LHCGR: variants seen among roughly 807,000 people sequenced by gnomAD.
LHCGR encodes the protein luteinizing hormone/choriogonadotropin receptor, also known as lutropin-choriogonadotropic hormone receptor.
Under a neutral mutation model 60.7 loss-of-function variants are expected in LHCGR, and 55 were observed. The ratio of observed to expected loss-of-function variants is 0.91; its 90% CI spans 0.73 to 1.13. LHCGR has a LOEUF of 1.13. LHCGR is among the 50% of genes most tolerant of loss of function. The probability of loss-of-function intolerance (pLI) is 0.00; values close to 1 mark genes in which losing one functional copy is unlikely to be tolerated. For missense variants in LHCGR, 862 were observed against 836.0 expected (o/e 1.03, Z -0.38); for synonymous variants, 337 against 316.5 (o/e 1.06, Z -0.69).
At chr2:48,690,084 C>T (rs528535584) in intron 10 of LHCGR, among the ~76,000 whole-genome samples, 1 of 152,164 alleles carries the variant, frequency 6.6e-6, no homozygotes, top group South Asian at 2.1e-4. Flanking sequence ...TAGCTCTCTC[C>T]CTAGTCCATT....
At chr2:48,689,004 T>C (rs1046416878) in intron 10 of LHCGR, among the ~76,000 whole-genome samples, 155 bp from the exon 11 acceptor site, 1 of 152,126 alleles carries the variant, frequency 6.6e-6, no homozygotes, top group Admixed American at 6.5e-5. Flanking sequence ...AGAACTCTGA[T>C]TTGATGTAGG....
chr2:48,728,201 C>T (rs997619172), intron 3 of LHCGR, among the ~76,000 whole-genome samples: 3 of 151,990 alleles, frequency 2.0e-5, no homozygotes, highest in African/African-American at 7.3e-5. Context: ...TTGGATACCC[C>T]TGGTCTGAAG....
Position 48,687,869 on chromosome 2 carries a change from C to T in LHCGR, c.1928G>A (p.Cys643Tyr), listed in dbSNP as rs1679977168. The change falls in exon 11 of 11, where the codon TGC (cysteine) becomes TAC (tyrosine). Residue 643 changes from cysteine to tyrosine, a missense_variant. Transcript: ENST00000294954. ...DFFLLLSKFG[C>Y]CKRRAELYRR... ...ATAAAGTTCAGCCCGACGTTTACAG[C>T]AGCCAAATTTGCTCAGCAAAAGAAA... is the stretch of plus-strand genomic sequence containing the variant. 3 of 1,614,154 alleles carry T rather than the reference C, an allele frequency of 1.9e-6. No homozygotes were observed. Among genetic ancestry groups the T allele is most frequent in the Non-Finnish European group, 2.5e-6 (3 of 1,180,030 alleles).
intron 1 of LHCGR, among the ~76,000 whole-genome samples, chr2:48,754,990 T>G (rs910594034): frequency 9.9e-5 from 15 of 152,038 alleles, no homozygotes; most frequent in Admixed American, 5.9e-4. Context: ...AGCAGCGGCT[T>G]GTGTGCTCAC....
At chr2:48,732,926 A>T (rs368536486) in intron 1 of LHCGR, 34 of 534,306 alleles carry the variant, frequency 6.4e-5, no homozygotes, top group Non-Finnish European at 1.2e-4. Flanking sequence ...TAACACCTAA[A>T]CTCATTTAAC....
Position 48,688,316 on chromosome 2 carries a change from GA to G in LHCGR, c.1480del (p.Ser494LeufsTer3), listed in dbSNP as rs1401345508. 1.2e-6 allele frequency: 2 copies of G among 1,613,992 alleles called. No homozygotes were observed. ...AAGGGGCAACATAGCAATTAGAGAA[GA>G]AAAGAGCCATCCTCCAAGCATAATC... ...ILIMLGGWLF[S>X]SLIAMLPLVG... On this transcript the variant is annotated frameshift_variant, in exon 11 of 11. Coordinates refer to ENST00000294954, the MANE Select transcript of LHCGR (RefSeq NM_000233.4). LOFTEE classifies it high-confidence loss of function. The surrounding 1 kb of genome is among the most constrained non-coding windows in gnomAD (Gnocchi z 5.2).
chr2:48,711,552 C>A (rs4340578), intron 7 of LHCGR, among the ~76,000 whole-genome samples: 4 of 151,952 alleles, frequency 2.6e-5, no homozygotes. Flanking sequence ...TCATAGTTCA[C>A]GTCCATTTTG....
At chr2:48,695,049 A>G (rs558222193) in intron 9 of LHCGR, among the ~76,000 whole-genome samples, 68 of 152,136 alleles carry the variant, frequency 4.5e-4, no homozygotes, top group African/African-American at 1.4e-3. Flanking sequence ...GATGATGAGC[A>G]TTTTTTCTTT....
At chr2:48,713,227 AAGC>A (rs758234108) in intron 7 of LHCGR, among the ~76,000 whole-genome samples, 1 of 151,882 alleles carries the variant, frequency 6.6e-6, no homozygotes, top group Non-Finnish European at 1.5e-5. Context: ...TTGATTTTAA[AAGC>A]CTTTTTTGTT....
chr2:48,755,270 G>A (rs913758205), intron 1 of LHCGR, among the ~76,000 whole-genome samples: 2 of 152,050 alleles, frequency 1.3e-5, no homozygotes, highest in African/African-American at 4.8e-5. Context: ...CTACTCCCCC[G>A]GCCACAGCCC....
chr2:48,729,056 T>C, intron 3 of LHCGR, 97 bp downstream of exon 3: 1 of 975,128 alleles, frequency 1.0e-6, no homozygotes, highest in Non-Finnish European at 1.6e-6. Flanking sequence ...TCCTTTTGGA[T>C]TCCTAGCAGT....
chr2:48,720,103 C>A (rs190404330), intron 6 of LHCGR: 58 of 152,288 alleles, frequency 3.8e-4, no homozygotes, highest in Admixed American at 3.5e-3. Flanking sequence ...GGGGAAATTA[C>A]ACCCTACTGG....
At chr2:48,739,438 T>C (rs2103673561) in intron 1 of LHCGR, among the ~76,000 whole-genome samples, 1 of 152,152 alleles carries the variant, frequency 6.6e-6, no homozygotes, top group South Asian at 2.1e-4. Context: ...ATAGACTGGA[T>C]TAAGAAAATG....
chr2:48,742,839 A>C (rs1669524524), intron 1 of LHCGR, among the ~76,000 whole-genome samples: 1 of 152,074 alleles, frequency 6.6e-6, no homozygotes, highest in Non-Finnish European at 1.5e-5. Flanking sequence ...AAATAACTAA[A>C]ATCAGAGCAG....
At chr2:48,699,971 C>T (rs1294980348) in intron 8 of LHCGR, among the ~76,000 whole-genome samples, 1 of 152,176 alleles carries the variant, frequency 6.6e-6, no homozygotes, top group Admixed American at 6.5e-5. Context: ...CAATCATTCC[C>T]AAGACTTGGT....
At chr2:48,736,051 C>A (rs993037986) in intron 1 of LHCGR, among the ~76,000 whole-genome samples, 3 of 152,296 alleles carry the variant, frequency 2.0e-5, no homozygotes, top group South Asian at 4.1e-4. Context: ...TCCCTTTTGC[C>A]TTCTGCCATG....
At chr2:48,718,010 A>C (rs150549582) in intron 6 of LHCGR, among the ~76,000 whole-genome samples, 1 of 151,760 alleles carries the variant, frequency 6.6e-6, no homozygotes, top group Admixed American at 6.6e-5. Context: ...AGAAATTACA[A>C]ATGTGAGTGG....
At chr2:48,722,312 T>C (rs1000674350) in intron 6 of LHCGR, among the ~76,000 whole-genome samples, 3 of 152,224 alleles carry the variant, frequency 2.0e-5, no homozygotes, top group Admixed American at 2.0e-4. Flanking sequence ...CCTCAAACTT[T>C]AATGTACATG....
chr2:48,722,637 C>T (rs1572863443), intron 6 of LHCGR, among the ~76,000 whole-genome samples: 2 of 152,176 alleles, frequency 1.3e-5, no homozygotes, highest in African/African-American at 4.8e-5. Flanking sequence ...TGCTGGCTCA[C>T]CCTTCACCTT....
Sources: gnomAD v4.1 joint callset for allele counts (sites outside exome capture counted in the v4.1 genomes callset) on GRCh38, gnomAD v4.1.1 for gene constraint, Gnocchi (gnomAD v3.1) non-coding constraint, MANE v1.5 for transcripts, NCBI Gene and HGNC (gene_info 2026-07-23, HGNC 2026-07-21) for gene names.